The following CS variants were observed in gnomAD, a reference collection of about 807,000 sequenced individuals.
CS encodes citrate synthase, mitochondrial.
In CS, 13 loss-of-function variants were observed where a neutral mutation model predicts 61.4. The observed-to-expected ratio is 0.21, with a 90% CI of 0.14 to 0.34. CS has a LOEUF of 0.34. CS is among the 10% of genes least tolerant of loss of function. The probability of loss-of-function intolerance (pLI) is 1.00; values close to 1 mark genes in which losing one functional copy is unlikely to be tolerated. For missense variants in CS, 278 were observed against 573.4 expected (o/e 0.48, Z 5.26); for synonymous variants, 159 against 215.2 (o/e 0.74, Z 2.29).
chr12:56,299,846 C>A (rs1050228217), intron 1 of CS: 3 of 330,888 alleles, frequency 9.1e-6, no homozygotes, highest in African/African-American at 4.6e-5. Context: ...CCTGTCTCGG[C>A]TCCTTGCTAT....
rs201512407 is a variant in CS, at chr12:56,274,989, A to G, written c.918+13T>C. 1 of 1,613,248 alleles carries G rather than the reference A, an allele frequency of 6.2e-7. No individual in the cohort carries two copies. The highest frequency in any genetic ancestry group is 8.5e-7 in the Non-Finnish European group (1 of 1,179,536). ...GAAAACATGTAGCAGGAAAATAAAA[A>G]GAATAGTCTTACCTGATTTGCCAGT... is the stretch of plus-strand genomic sequence containing the variant. On this transcript the variant is annotated intron_variant, in intron 8 of 10. Transcript: ENST00000351328.
intron 1 of CS, 175 bp downstream of exon 1, chr12:56,299,985 G>T: frequency 1.7e-6 from 1 of 595,024 alleles, no homozygotes; most frequent in Non-Finnish European, 2.8e-6. Flanking sequence ...GAGCCAGAAG[G>T]GAAGCGCGGC....
At chr12:56,282,729 G>C (rs1872811323) in intron 5 of CS, 121 bp from the exon 6 acceptor site, 2 of 1,527,738 alleles carry the variant, frequency 1.3e-6, no homozygotes, top group African/African-American at 2.7e-5. Flanking sequence ...CATTTATACA[G>C]CAGAACTCTG....
chr12:56,284,361 G>A (rs367702292), intron 3 of CS, among the ~76,000 whole-genome samples: 19 of 149,986 alleles, frequency 1.3e-4, no homozygotes, highest in African/African-American at 4.6e-4. Flanking sequence ...AAACTTTGTG[G>A]CCAGGTACGG....
Position 56,273,631 on chromosome 12 carries a change from T to C in CS, c.1186A>G (p.Asn396Asp). The change falls in exon 10 of 11, where the codon AAT becomes GAT. Residue 396 changes from asparagine to aspartate, a missense_variant. By Grantham distance (23) the Asn-to-Asp change is conservative. This residue lies in a region of CS where 223 missense variants were observed against 503.5 expected (regional missense o/e 0.44). Coordinates refer to ENST00000351328, the MANE Select transcript of CS (RefSeq NM_004077.3). ...NVLLEQGKAK[N>D]PWPNVDAHSG... ...TGAGCATCTACATTGGGCCAAGGAT[T>C]CTTGGCTTTACCCTGCTCTAAGAGG... is the stretch of plus-strand genomic sequence containing the variant. 1 of 1,614,034 alleles carries C rather than the reference T, an allele frequency of 6.2e-7. No homozygotes were observed. The highest frequency in any genetic ancestry group is 1.1e-5 in the South Asian group (1 of 91,070).
intron 1 of CS, chr12:56,291,095 C>T: frequency 2.5e-6 from 1 of 405,584 alleles, no homozygotes; most frequent in South Asian, 2.2e-5. Flanking sequence ...TAATAAAAGC[C>T]AATTTCAGAG....
intron 7 of CS, 104 bp downstream of exon 7, chr12:56,275,892 C>G (rs995178749): frequency 2.0e-5 from 20 of 1,001,332 alleles, no homozygotes; most frequent in Non-Finnish European, 3.1e-5. Flanking sequence ...TGTCTTCTTG[C>G]TGCCTATCAT....
chr12:56,283,903 A>G, intron 3 of CS, 46 bp from the exon 4 acceptor site: 2 of 1,413,950 alleles, frequency 1.4e-6, no homozygotes, highest in South Asian at 1.2e-5. Context: ...GGCTGTGGCC[A>G]GTAATCAGAA....
chr12:56,286,185 G>T, intron 2 of CS, 162 bp from the exon 3 acceptor site: 2 of 610,966 alleles, frequency 3.3e-6, no homozygotes, highest in Non-Finnish European at 5.8e-6. Flanking sequence ...TAGGCAGGGG[G>T]AAGAAGGAAT....
intron 6 of CS, among the ~76,000 whole-genome samples, chr12:56,280,414 CCCAAAAAAAACAA>C (rs1460374759): frequency 4.2e-4 from 3 of 7,108 alleles, no homozygotes; most frequent in African/African-American, 4.3e-4. Flanking sequence ...GACACCGTCT[CCCAAAAAAAACAA>C]AAAAAAAAAA....
At chr12:56,275,529 G>A (rs911575518) in intron 7 of CS, 7 of 199,372 alleles carry the variant, frequency 3.5e-5, no homozygotes, top group Non-Finnish European at 6.0e-5. Context: ...CCAAGATTGC[G>A]CCATTGCACT....
chr12:56,275,814 C>A, intron 7 of CS, 182 bp downstream of exon 7: 1 of 614,244 alleles, frequency 1.6e-6, no homozygotes, highest in East Asian at 2.8e-5. Flanking sequence ...ACAGTAATTT[C>A]TTTAGGCCTC....
At chr12:56,290,197 A>AT (rs1216566639) in intron 1 of CS, among the ~76,000 whole-genome samples, 2 of 150,082 alleles carry the variant, frequency 1.3e-5, no homozygotes, top group African/African-American at 4.9e-5. Flanking sequence ...TGCCCGGAAG[A>AT]TTTTATGTTT....
At chr12:56,274,735 G>C (rs1281652290) in intron 9 of CS, 42 bp downstream of exon 9, 1 of 1,415,646 alleles carries the variant, frequency 7.1e-7, no homozygotes, top group East Asian at 2.4e-5. Flanking sequence ...TGCAGAACTT[G>C]TGTCTTGGTT....
chr12:56,294,553 C>A (rs1181377569), intron 1 of CS, among the ~76,000 whole-genome samples: 2 of 148,806 alleles, frequency 1.3e-5, no homozygotes, highest in Non-Finnish European at 3.0e-5. Context: ...CAGCTTCCAT[C>A]TTCAGAAAGG....
intron 9 of CS, chr12:56,274,516 T>C (rs764328318): frequency 1.5e-5 from 5 of 325,818 alleles, no homozygotes; most frequent in Non-Finnish European, 2.8e-5. Flanking sequence ...GTAGTGGCTA[T>C]TCACAGGAGT....
At chr12:56,276,278 T>C in intron 6 of CS, 83 bp from the exon 7 acceptor site, 2 of 1,334,652 alleles carry the variant, frequency 1.5e-6, no homozygotes, top group East Asian at 2.3e-5. Context: ...CTGTCCTCCA[T>C]GAATTGGGGC....
At chr12:56,279,181 CT>C (rs1592407355) in intron 6 of CS, among the ~76,000 whole-genome samples, 1 of 152,210 alleles carries the variant, frequency 6.6e-6, no homozygotes, top group East Asian at 1.9e-4. Flanking sequence ...AATCAATCTC[CT>C]TGTTCTGAGT....
chr12:56,277,696 T>C (rs1419537831), intron 6 of CS, among the ~76,000 whole-genome samples: 1 of 147,996 alleles, frequency 6.8e-6, no homozygotes, highest in Non-Finnish European at 1.5e-5. Context: ...AGTGGCGCGA[T>C]CTCGGCTCAC....
Sources: gnomAD v4.1 joint callset for allele counts (sites outside exome capture counted in the v4.1 genomes callset) on GRCh38, gnomAD v4.1.1 for gene constraint, gnomAD v4.1.1 regional missense constraint, MANE v1.5 for transcripts, NCBI Gene and HGNC (gene_info 2026-07-23, HGNC 2026-07-21) for gene names.